The following MYO16 variants were observed in gnomAD, a reference collection of about 807,000 sequenced individuals.
The protein encoded by MYO16 is unconventional myosin-XVI.
MYO16 carries 94 observed loss-of-function variants against 205.3 expected under a neutral mutation model. The ratio of observed to expected loss-of-function variants is 0.46; its 90% CI spans 0.39 to 0.54. MYO16 has a LOEUF of 0.54. Ranked by LOEUF, MYO16 falls within the 20% of genes least tolerant of loss-of-function variation. MYO16 has a pLI of 0.00. For synonymous variants in MYO16, 988 were observed against 954.0 expected (o/e 1.04, Z -0.66); for missense variants, 2,315 against 2,387.5 (o/e 0.97, Z 0.63).
chr13:108,847,895 T>C (rs1856283), intron 10 of MYO16, among the ~76,000 whole-genome samples: 75,416 of 151,930 alleles, frequency 0.5, 19,618 homozygotes, highest in African/African-American at 0.65. Flanking sequence ...CTCTTTCCTC[T>C]CTTTCTCCCT....
intron 2 of MYO16, among the ~76,000 whole-genome samples, chr13:108,676,133 T>C (rs1882192819): frequency 6.6e-6 from 1 of 152,168 alleles, no homozygotes; most frequent in Admixed American, 6.5e-5. Flanking sequence ...GTGTAAATTA[T>C]AGGAATAACA....
intron 1 of MYO16, among the ~76,000 whole-genome samples, chr13:108,657,556 T>C (rs1055657278): frequency 1.3e-4 from 19 of 148,030 alleles, no homozygotes; most frequent in African/African-American, 4.6e-4. Flanking sequence ...TGCTTTTTAA[T>C]TGTAATGACA....
upstream of MYO16, among the ~76,000 whole-genome samples, chr13:108,592,059 T>G (rs575338240): frequency 0.011 from 1,293 of 116,646 alleles, 20 homozygotes; most frequent in African/African-American, 0.041. Context: ...TTATATTGTG[T>G]GTGGGATGTG....
chr13:108,669,729 A>G (rs1881900380), intron 2 of MYO16, among the ~76,000 whole-genome samples: 1 of 152,084 alleles, frequency 6.6e-6, no homozygotes, highest in Non-Finnish European at 1.5e-5. Context: ...TACACCATGG[A>G]ATACTATGCA....
chr13:108,536,878 CA>C, the MYO16 span, among the ~76,000 whole-genome samples: 1 of 152,008 alleles, frequency 6.6e-6, no homozygotes, highest in Non-Finnish European at 1.5e-5. Flanking sequence ...AACAGGATAC[CA>C]AATAAATCCA....
Position 109,047,000 on chromosome 13 carries a change from AT to A in MYO16, c.2872+17del, listed in dbSNP as rs755110561. 8.8e-6 allele frequency: 14 copies of A among 1,590,090 alleles called. No individual in the cohort carries two copies. The highest frequency in any genetic ancestry group is 6.7e-5 in the Admixed American group (4 of 59,848). On this transcript the variant is annotated intron_variant, in intron 24 of 34. Coordinates refer to ENST00000457511, the MANE Select transcript of MYO16 (RefSeq NM_001198950.3). ...TCTATTTGTAATGAAAAGTAAGTTG[AT>A]TTTTTTTCCTGCCCTACACTGGTTA...
intron 18 of MYO16, 53 bp downstream of exon 18, chr13:108,961,709 G>T: frequency 7.1e-7 from 1 of 1,400,270 alleles, no homozygotes; most frequent in South Asian, 1.2e-5. Context: ...CAATTTTGTA[G>T]ATCTACCAGT....
At chr13:109,085,913 G>A (rs141518809) in intron 27 of MYO16, among the ~76,000 whole-genome samples, 120 of 152,272 alleles carry the variant, frequency 7.9e-4, no homozygotes, top group African/African-American at 2.2e-3. Flanking sequence ...TTGAAATATC[G>A]TTATTAAATT....
In MYO16 at chr13:109,127,392, C is replaced by G; in HGVS notation, c.3893C>G (p.Ser1298Trp). The stretch of plus-strand genomic sequence containing the variant: ...GTTGGCCCGTCCATCTGGTCTCCTT[C>G]GCTGCACTCGGTGTTCAGCATGGAT... ...CLVGPSIWSP[S>W]LHSVFSMDDS... The change falls in exon 31 of 35, where the codon TCG (serine) becomes TGG (tryptophan). Residue 1298 changes from serine to tryptophan, a missense_variant. Transcript: ENST00000457511. This position sits in a 1 kb window ranked among gnomAD's most constrained non-coding sequence, Gnocchi z 4.2. The G allele has an allele frequency of 2.5e-6, 4 of 1,613,946 alleles. No homozygotes were observed. Among genetic ancestry groups the G allele is most frequent in the Non-Finnish European group, 3.4e-6 (4 of 1,179,966 alleles).
At chr13:109,059,732 T>A (rs1033789666) in intron 27 of MYO16, among the ~76,000 whole-genome samples, 4 of 152,212 alleles carry the variant, frequency 2.6e-5, no homozygotes, top group African/African-American at 4.8e-5. Context: ...TGATGATGGT[T>A]TCTTTTGCTC....
At chr13:109,080,354 G>A (rs141252803) in intron 27 of MYO16, among the ~76,000 whole-genome samples, 9 of 152,108 alleles carry the variant, frequency 5.9e-5, no homozygotes, top group African/African-American at 1.4e-4. Context: ...GATGCTAGAC[G>A]TGAGTTTTGG....
At chr13:109,206,222 G>C (rs1482478420) in intron 34 of MYO16, among the ~76,000 whole-genome samples, 2 of 152,188 alleles carry the variant, frequency 1.3e-5, no homozygotes, top group Non-Finnish European at 1.5e-5. Context: ...AGTGACGCTT[G>C]AGGAAGCTCT....
intron 33 of MYO16, among the ~76,000 whole-genome samples, chr13:109,165,587 A>C (rs1010650472): frequency 6.6e-6 from 1 of 152,196 alleles, no homozygotes; most frequent in African/African-American, 2.4e-5. Context: ...ACTCAGACCA[A>C]CTATTCCTGA....
intron 14 of MYO16, among the ~76,000 whole-genome samples, chr13:108,890,000 C>T (rs2139184955): frequency 6.6e-6 from 1 of 152,230 alleles, no homozygotes; most frequent in South Asian, 2.1e-4. Flanking sequence ...GATACGATCA[C>T]CATTCACCGC....
intron 15 of MYO16, among the ~76,000 whole-genome samples, chr13:108,903,696 AC>A (rs1273239715): frequency 6.6e-6 from 1 of 152,210 alleles, no homozygotes; most frequent in South Asian, 2.1e-4. Context: ...CGTTAGTGAT[AC>A]TTTTAAATAA....
At chr13:108,550,600 TA>T in the MYO16 span, among the ~76,000 whole-genome samples, 1 of 152,220 alleles carries the variant, frequency 6.6e-6, no homozygotes, top group Non-Finnish European at 1.5e-5. Context: ...GAATGATTTG[TA>T]GCACTTTGAG....
At chr13:108,556,173 G>A in the MYO16 span, among the ~76,000 whole-genome samples, 41 of 151,972 alleles carry the variant, frequency 2.7e-4, no homozygotes, top group African/African-American at 3.6e-4. Flanking sequence ...TAAGACTGCC[G>A]GATCATATGG....
At chr13:108,920,910 T>C (rs1594397069) in intron 16 of MYO16, among the ~76,000 whole-genome samples, 1 of 152,248 alleles carries the variant, frequency 6.6e-6, no homozygotes, top group Admixed American at 6.5e-5. Context: ...ATGTGGCTGG[T>C]CACTGGAGGT....
chr13:108,813,514 C>T (rs1887358772), intron 7 of MYO16, among the ~76,000 whole-genome samples: 1 of 152,052 alleles, frequency 6.6e-6, no homozygotes, highest in Admixed American at 6.6e-5. Flanking sequence ...TATATTTTAA[C>T]TTTTTAAAGA....
Sources: gnomAD v4.1 joint callset for allele counts (sites outside exome capture counted in the v4.1 genomes callset) on GRCh38, gnomAD v4.1.1 for gene constraint, Gnocchi (gnomAD v3.1) non-coding constraint, MANE v1.5 for transcripts, NCBI Gene and HGNC (gene_info 2026-07-23, HGNC 2026-07-21) for gene names.